The following RAD51B variants were observed in gnomAD, a reference collection of about 807,000 sequenced individuals.
RAD51B encodes the protein RAD51 paralog B.
A neutral mutation model predicts 42.2 loss-of-function variants in RAD51B; 38 were observed. The ratio of observed to expected loss-of-function variants is 0.90; its 90% confidence interval spans 0.70 to 1.18. RAD51B has a LOEUF of 1.18. RAD51B is among the 50% of genes most tolerant of loss of function. The pLI is 0.00. For missense variants in RAD51B, 373 were observed against 400.7 expected (o/e 0.93, Z 0.59); for synonymous variants, 154 against 145.2 (o/e 1.06, Z -0.43).
chr14:68,230,817 C>G (rs947259366), intron 7 of RAD51B, among the ~76,000 whole-genome samples: 16 of 152,182 alleles, frequency 1.1e-4, no homozygotes, highest in African/African-American at 2.4e-4. Context: ...CAGTAACTAG[C>G]AAGAGGCATC....
At chr14:68,597,432 A>T (rs1267273284), downstream of RAD51B, among the ~76,000 whole-genome samples, 2 of 152,184 alleles carry the variant, frequency 1.3e-5, no homozygotes, top group African/African-American at 4.8e-5. Flanking sequence ...CCTTGTTAAG[A>T]CTTCATACAC....
At chr14:68,099,813 G>A (rs939005444) in intron 7 of RAD51B, among the ~76,000 whole-genome samples, 2 of 152,184 alleles carry the variant, frequency 1.3e-5, no homozygotes, top group African/African-American at 4.8e-5. Context: ...GTGTGGGGCT[G>A]TGCCAATGCC....
intron 9 of RAD51B, among the ~76,000 whole-genome samples, chr14:68,450,121 G>A (rs1223453558): frequency 1.3e-5 from 2 of 151,744 alleles, no homozygotes; most frequent in Non-Finnish European, 2.9e-5. Flanking sequence ...CATTCCAGGA[G>A]GCAGTGGCCT....
chr14:68,346,215 A>C (rs541660634), intron 8 of RAD51B, among the ~76,000 whole-genome samples: 1 of 152,326 alleles, frequency 6.6e-6, no homozygotes, highest in South Asian at 2.1e-4. Context: ...CTAACCCATG[A>C]CATTCAAAAG....
intron 3 of RAD51B, among the ~76,000 whole-genome samples, chr14:67,827,401 A>G (rs887657524): frequency 5.9e-5 from 9 of 151,878 alleles, no homozygotes; most frequent in African/African-American, 2.2e-4. Context: ...TCTTTCTCCT[A>G]TGGTTTACAT....
intron 7 of RAD51B, among the ~76,000 whole-genome samples, chr14:68,105,590 T>G (rs1253592640): frequency 6.6e-6 from 1 of 151,970 alleles, no homozygotes; most frequent in African/African-American, 2.4e-5. Flanking sequence ...TAAAAATAGA[T>G]TGGTTTTGTT....
At chr14:68,440,309 T>C (rs1421318177) in intron 9 of RAD51B, among the ~76,000 whole-genome samples, 1 of 152,256 alleles carries the variant, frequency 6.6e-6, no homozygotes, top group Admixed American at 6.5e-5. Context: ...GTTGCCCACA[T>C]TTCATGACAA....
chr14:67,863,281 T>C (rs1199635581), intron 4 of RAD51B, among the ~76,000 whole-genome samples: 2 of 151,968 alleles, frequency 1.3e-5, no homozygotes, highest in Non-Finnish European at 2.9e-5. Context: ...ACATTTGTGT[T>C]TTAAGGTTGA....
intron 10 of RAD51B, among the ~76,000 whole-genome samples, chr14:68,520,026 G>A (rs1470685210): frequency 6.6e-6 from 1 of 152,190 alleles, no homozygotes; most frequent in Non-Finnish European, 1.5e-5. Flanking sequence ...GGTTTAGACG[G>A]GGACAAGTAG....
chr14:68,678,609 C>G (rs991178521), intron 11 of RAD51B, among the ~76,000 whole-genome samples: 3 of 152,160 alleles, frequency 2.0e-5, no homozygotes, highest in Admixed American at 6.5e-5. Context: ...CCTCCCTGCC[C>G]TGGCAGCTGA....
At chr14:68,500,986 G>C (rs961022316) in intron 10 of RAD51B, among the ~76,000 whole-genome samples, 5 of 152,222 alleles carry the variant, frequency 3.3e-5, no homozygotes, top group African/African-American at 1.2e-4. Flanking sequence ...GGCTCTGACT[G>C]TTTGGGGTCC....
intron 7 of RAD51B, among the ~76,000 whole-genome samples, chr14:67,900,397 A>G (rs2043570528): frequency 6.6e-6 from 1 of 152,170 alleles, no homozygotes; most frequent in Admixed American, 6.5e-5. Context: ...ACATGAAGTA[A>G]GGCTGCTTCC....
chr14:68,162,328 T>A (rs2078656701), intron 7 of RAD51B, among the ~76,000 whole-genome samples: 1 of 152,176 alleles, frequency 6.6e-6, no homozygotes. Context: ...CCAGACATAA[T>A]TTTTCATTCT....
chr14:68,376,320 A>G (rs1306231149), intron 8 of RAD51B, among the ~76,000 whole-genome samples: 1 of 152,198 alleles, frequency 6.6e-6, no homozygotes, highest in Non-Finnish European at 1.5e-5. Context: ...AATTAAAAAC[A>G]AAAAACAACC....
chr14:68,122,759 A>G (rs1299777875), intron 7 of RAD51B, among the ~76,000 whole-genome samples: 3 of 152,242 alleles, frequency 2.0e-5, no homozygotes, highest in Non-Finnish European at 4.4e-5. Flanking sequence ...AATACTTATA[A>G]TAGCAGAGGA....
Position 68,061,219 on chromosome 14 carries a change from C to T in RAD51B, c.756+174015C>T, listed in dbSNP as rs558458376. 1.4e-4 allele frequency among the ~76,000 whole-genome samples: 21 copies of T among 151,976 alleles called. 1 individual carries two copies. The highest frequency in any genetic ancestry group is 3.4e-3 in the Middle Eastern group (1 of 294). Reference sequence around the variant, plus strand: ...CAGTAGCTGGGATTACAGGCATGCGCGCCACACCCAGCTAATTTTTTGTAT... The same window carrying T: ...CAGTAGCTGGGATTACAGGCATGCGTGCCACACCCAGCTAATTTTTTGTAT... On this transcript the variant is annotated intron_variant, in intron 7 of 10. Transcript: ENST00000471583.
intron 9 of RAD51B, among the ~76,000 whole-genome samples, chr14:68,417,261 A>G (rs1283460260): frequency 6.6e-6 from 1 of 152,014 alleles, no homozygotes; most frequent in Non-Finnish European, 1.5e-5. Context: ...GGCAAGGAGG[A>G]TTATGTGAGT....
At chr14:67,868,170 G>A (rs1302229917) in intron 5 of RAD51B, among the ~76,000 whole-genome samples, 3 of 152,172 alleles carry the variant, frequency 2.0e-5, no homozygotes, top group Non-Finnish European at 4.4e-5. Flanking sequence ...TCCATCTGAG[G>A]TACCGGGTTC....
chr14:68,461,719 TG>T, intron 9 of RAD51B, among the ~76,000 whole-genome samples: 1 of 152,284 alleles, frequency 6.6e-6, no homozygotes, highest in African/African-American at 2.4e-5. Flanking sequence ...GGCTAATGCG[TG>T]AAGGTTTACC....
Sources: allele counts gnomAD v4.1 joint callset (sites outside exome capture counted in the v4.1 genomes callset), GRCh38; gene constraint gnomAD v4.1.1; transcripts MANE v1.5; gene names NCBI Gene and HGNC (gene_info 2026-07-23, HGNC 2026-07-21).